CFAP97: variants seen among roughly 807,000 people sequenced by gnomAD.
CFAP97 encodes cilia- and flagella-associated protein 97.
CFAP97 carries 36 observed loss-of-function variants against 43.1 expected under a neutral mutation model. The ratio of observed to expected loss-of-function variants is 0.84; its 90% CI spans 0.64 to 1.10. The LOEUF (loss-of-function observed/expected upper bound fraction) is 1.10. Among genes scored for constraint, CFAP97 ranks in the 50% least tolerant of loss-of-function variants. CFAP97 has a pLI of 0.00. For synonymous variants in CFAP97, 228 were observed against 225.7 expected, an observed-to-expected ratio of 1.01 and a Z score of -0.09; for missense variants, 657 against 620.3, an observed-to-expected ratio of 1.06 and a Z score of -0.63.
intron 1 of CFAP97, among the ~76,000 whole-genome samples, chr4:185,197,807 T>C (rs1736625375): frequency 6.6e-6 from 1 of 152,170 alleles, no homozygotes; most frequent in Non-Finnish European, 1.5e-5. Flanking sequence ...CTAGAAATGA[T>C]TAAGCTTAGT....
chr4:185,202,018 G>A (rs1233493880), intron 1 of CFAP97, among the ~76,000 whole-genome samples: 1 of 138,764 alleles, frequency 7.2e-6, no homozygotes, highest in Non-Finnish European at 1.6e-5. Context: ...CCCAGCTAAA[G>A]GAAAAAGGAT....
intron 1 of CFAP97, among the ~76,000 whole-genome samples, chr4:185,195,062 T>C (rs1736477806): frequency 1.3e-5 from 2 of 152,110 alleles, no homozygotes; most frequent in South Asian, 2.1e-4. Context: ...CTGTTTGCAG[T>C]AGCAATGCAT....
chr4:185,209,788 G>C (rs1278669599), upstream of CFAP97: 1 of 983,708 alleles, frequency 1.0e-6, no homozygotes, highest in African/African-American at 1.8e-5. The surrounding 1 kb of genome is among the most constrained non-coding windows in gnomAD (Gnocchi z 5.2). Flanking sequence ...GGACCGGGGG[G>C]CAGGAGATGT....
rs1334502488 is a variant in CFAP97 at position 185,159,914 on chromosome 4, A to C, written c.*2884T>G. 1 of 152,228 alleles carries C rather than the reference A, an allele frequency of 6.6e-6. No individual in the cohort carries two copies. Among genetic ancestry groups the C allele is most frequent in the East Asian group, 1.9e-4 (1 of 5,206 alleles). The allele number at this position is 152,228 out of a possible 1,614,324, so 9.4% of individuals were successfully genotyped here. ...TTTATGAATGTAATTATTAAAGTATAATCAACTCACATCTTTGGGTTTATA... is the reference window on the plus strand; with the variant it reads ...TTTATGAATGTAATTATTAAAGTATCATCAACTCACATCTTTGGGTTTATA... On this transcript the variant is annotated 3_prime_UTR_variant, in exon 5 of 5. Transcript: ENST00000458385.
At chr4:185,183,396 G>C (rs1242841077) in intron 2 of CFAP97, among the ~76,000 whole-genome samples, 1 of 152,162 alleles carries the variant, frequency 6.6e-6, no homozygotes, top group Non-Finnish European at 1.5e-5. Context: ...TTATGTTCCA[G>C]GAAGTAGAAA....
intron 2 of CFAP97, among the ~76,000 whole-genome samples, chr4:185,179,558 T>C (rs1735700750): frequency 6.6e-6 from 1 of 152,140 alleles, no homozygotes; most frequent in Admixed American, 6.5e-5. Context: ...AACTACCCTA[T>C]GGCTGAGACG....
upstream of CFAP97, chr4:185,204,011 G>A (rs911598930): frequency 1.3e-5 from 2 of 151,172 alleles, no homozygotes; most frequent in Non-Finnish European, 3.0e-5. Flanking sequence ...AGCGGAAAGG[G>A]AAAGGAGGGG....
At chr4:185,181,186 G>A (rs1019850448) in intron 2 of CFAP97, among the ~76,000 whole-genome samples, 1 of 151,302 alleles carries the variant, frequency 6.6e-6, no homozygotes, top group South Asian at 2.1e-4. Flanking sequence ...TGAGGCACGA[G>A]AATTGCTTGA....
intron 1 of CFAP97, among the ~76,000 whole-genome samples, chr4:185,192,523 T>C (rs1026164830): frequency 2.0e-5 from 3 of 152,156 alleles, no homozygotes; most frequent in African/African-American, 7.2e-5. Context: ...CCTGTAAATT[T>C]ATGTATTACT....
chr4:185,185,614 T>C (rs867547870), intron 2 of CFAP97, among the ~76,000 whole-genome samples: 22 of 151,114 alleles, frequency 1.5e-4, no homozygotes, highest in African/African-American at 5.1e-4. Flanking sequence ...CTATATAATG[T>C]ATTCTGAAAT....
At chr4:185,180,882 T>G (rs1434674979) in intron 2 of CFAP97, among the ~76,000 whole-genome samples, 1 of 152,056 alleles carries the variant, frequency 6.6e-6, no homozygotes, top group Admixed American at 6.6e-5. Context: ...ACACCCCCCC[T>G]AAAGACTGAG....
intron 1 of CFAP97, among the ~76,000 whole-genome samples, chr4:185,196,391 T>C (rs1168975204): frequency 2.0e-5 from 3 of 151,888 alleles, no homozygotes; most frequent in Non-Finnish European, 4.4e-5. Flanking sequence ...GGAGAATCAC[T>C]TGAACCTGGC....
At chr4:185,167,499 G>A (rs138290645) in intron 3 of CFAP97, among the ~76,000 whole-genome samples, 4 of 152,134 alleles carry the variant, frequency 2.6e-5, no homozygotes, top group African/African-American at 9.6e-5. Context: ...TCAAAATGCT[G>A]TAACGATTGT....
upstream of CFAP97, among the ~76,000 whole-genome samples, chr4:185,206,524 T>C (rs1234056111): frequency 6.6e-6 from 1 of 151,864 alleles, no homozygotes; most frequent in Non-Finnish European, 1.5e-5. Context: ...CCAGGCATGC[T>C]GATGCATGCC....
chr4:185,209,844 C>A, upstream of CFAP97: 1 of 983,538 alleles, frequency 1.0e-6, no homozygotes, highest in Non-Finnish European at 1.2e-6. This position sits in a 1 kb window ranked among gnomAD's most constrained non-coding sequence, Gnocchi z 5.2. Context: ...CCGATGCGAC[C>A]GACAGTGGCG....
At position 185,209,172 on chromosome 4, in the gene CFAP97, A is replaced by G. The variant is rs1229816939; in HGVS notation, c.-74+153T>C. 6.6e-6 allele frequency among the ~76,000 whole-genome samples: 1 copy of G among 152,128 alleles called. No individual in the cohort carries two copies. Among genetic ancestry groups the G allele is most frequent in the African/African-American group, 2.4e-5 (1 of 41,436 alleles). On this transcript the variant is annotated intron_variant, in intron 1 of 2. Transcript: ENST00000503223. The surrounding 1 kb of genome is among the most constrained non-coding windows in gnomAD (Gnocchi z 5.2). ...CTTCCCTAAGGCGGCAGGGTGGGAA[A>G]GGGAAGGTCGTTAGAAACTGTGACA...
rs375188908 is a variant in CFAP97 at position 185,191,123 on chromosome 4, T to C, written c.74A>G (p.Lys25Arg). The C allele has an allele frequency of 3.7e-6, 6 of 1,611,454 alleles. No individual in the cohort carries two copies. In the African/African-American group the frequency reaches 6.7e-5, roughly 18 times the overall value. ...SFFDSDFEEG[K>R]KCETNSVFDK... ...AAAAACTGAGTTAGTTTCACATTTC[T>C]TTCCTTCTTCAAAGTCACTGTCAAA... The change falls in exon 2 of 5, where the codon AAG becomes AGG. Residue 25 changes from lysine to arginine, a missense_variant. Lys to Arg is a conservative substitution (Grantham distance 26). Transcript: ENST00000458385.
At position 185,189,229 on chromosome 4, in the gene CFAP97, C is replaced by A. The variant is rs544274993; in HGVS notation, c.1054+914G>T. ...TCCAGCCTGGATGACAGAGAAAGAC[C>A]TTATCTCAAAAACAAAAAACAAAAC... On this transcript the variant is annotated intron_variant, in intron 2 of 4. Coordinates refer to ENST00000458385, the MANE Select transcript of CFAP97 (RefSeq NM_020827.3). Among the ~76,000 whole-genome samples, 9 of 152,196 alleles carry A rather than the reference C, an allele frequency of 5.9e-5. No individual in the cohort carries two copies. In the South Asian group the frequency reaches 8.3e-4, roughly 14 times the overall value.
At chr4:185,180,478 C>T (rs1447662234) in intron 2 of CFAP97, among the ~76,000 whole-genome samples, 1 of 152,186 alleles carries the variant, frequency 6.6e-6, no homozygotes, top group Non-Finnish European at 1.5e-5. Flanking sequence ...TTCGACCACT[C>T]CAAGCATCTC....
Sources: gnomAD v4.1 joint callset for allele counts (sites outside exome capture counted in the v4.1 genomes callset) on GRCh38, gnomAD v4.1.1 for gene constraint, Gnocchi (gnomAD v3.1) non-coding constraint, MANE v1.5 for transcripts, NCBI Gene and HGNC (gene_info 2026-07-23, HGNC 2026-07-21) for gene names.